ABCA8: variants seen among roughly 807,000 people sequenced by gnomAD.
ABCA8 encodes ATP binding cassette subfamily A member 8.
Under a neutral mutation model 192.3 loss-of-function variants are expected in ABCA8, and 177 were observed. The observed-to-expected ratio is 0.92, with a 90% CI of 0.81 to 1.04. The LOEUF is 1.04. Among genes scored for constraint, ABCA8 ranks in the 50% least tolerant of loss-of-function variants. The pLI, the probability that ABCA8 is intolerant of heterozygous loss-of-function variation, is 0.00. For missense variants in ABCA8, 1,915 were observed against 1,904.8 expected (o/e 1.01, Z -0.10); for synonymous variants, 642 against 690.2 (o/e 0.93, Z 1.09).
chr17:68,913,862 T>C (rs534787688), intron 17 of ABCA8, among the ~76,000 whole-genome samples: 2 of 152,026 alleles, frequency 1.3e-5, no homozygotes, highest in African/African-American at 4.8e-5. Flanking sequence ...TGAAACTCAT[T>C]CTATGAGGCC....
intron 19 of ABCA8, among the ~76,000 whole-genome samples, chr17:68,904,767 A>C (rs2067020002): frequency 6.6e-6 from 1 of 152,188 alleles, no homozygotes; most frequent in Non-Finnish European, 1.5e-5. Flanking sequence ...CGGAGAGAGA[A>C]ACACAAGAAG....
rs114603298 is a variant in ABCA8 at position 68,874,965 on chromosome 17, G to A, written c.4631+295C>T. ...TTCATTTACGAAGGATACTCACAAC[G>A]CTTTTTTGAAGTCTACTCATTTTTT... is the stretch of plus-strand genomic sequence containing the variant. On this transcript the variant is annotated intron_variant, in intron 37 of 39. Transcript: ENST00000586539. 7.8e-3 allele frequency among the ~76,000 whole-genome samples: 1,187 copies of A among 152,158 alleles called. 15 individuals are homozygous for A. The highest frequency in any genetic ancestry group is 0.026 in the African/African-American group (1,077 of 41,522).
At chr17:68,935,116 A>G (rs2068020935) in intron 5 of ABCA8, among the ~76,000 whole-genome samples, 1 of 138,358 alleles carries the variant, frequency 7.2e-6, no homozygotes, top group South Asian at 2.2e-4. Context: ...ATGGAGTCTC[A>G]CTCTGTCACT....
intron 2 of ABCA8, among the ~76,000 whole-genome samples, chr17:68,945,554 A>C (rs1025407853): frequency 6.6e-6 from 1 of 152,144 alleles, no homozygotes; most frequent in African/African-American, 2.4e-5. Context: ...ACATTCCTTC[A>C]TATTCTTCTA....
intron 2 of ABCA8, among the ~76,000 whole-genome samples, chr17:68,947,503 A>C (rs2068443361): frequency 6.6e-6 from 1 of 152,148 alleles, no homozygotes; most frequent in South Asian, 2.1e-4. Context: ...TCTCCAGGGC[A>C]GTTTGTAACA....
At chr17:68,884,499 A>G (rs2143314179) in intron 27 of ABCA8, 103 bp from the exon 28 acceptor site, 20 of 1,406,944 alleles carry the variant, frequency 1.4e-5, no homozygotes, top group South Asian at 3.7e-5. Flanking sequence ...ACATTTGACC[A>G]TGAATATCAC....
chr17:68,942,579 G>A (rs1598292797), intron 2 of ABCA8, among the ~76,000 whole-genome samples: 1 of 152,268 alleles, frequency 6.6e-6, no homozygotes, highest in African/African-American at 2.4e-5. Flanking sequence ...GGGAGCCCCA[G>A]ATAGCTACAT....
chr17:68,890,993 A>G (rs1368478017), intron 24 of ABCA8, among the ~76,000 whole-genome samples: 1 of 152,210 alleles, frequency 6.6e-6, no homozygotes, highest in Non-Finnish European at 1.5e-5. Context: ...GGATGTTAAG[A>G]ACATTTTTCT....
Position 68,941,951 on chromosome 17 carries a change from T to G in ABCA8, c.84A>C (p.Arg28Ser), listed in dbSNP as rs1567883669. The change falls in exon 3 of 40, where the codon AGA becomes AGC. Residue 28 changes from arginine to serine, a missense_variant. Transcript: ENST00000586539. ...TATTGAGTCATACCATTAAGGACTC[T>G]CTTTTCATTCTCCATTTTTTAAGAA... ...KNFLKKWRMKRESLMEWLNSL... is the reference protein window; with the variant it reads ...KNFLKKWRMKSESLMEWLNSL... 1 of 1,608,936 alleles carries G rather than the reference T, an allele frequency of 6.2e-7. No individual in the cohort carries two copies.
In ABCA8 at chr17:68,918,081, A is replaced by G. The variant is rs146446478; in HGVS notation, c.2013T>C (p.Ser671=). The G allele has an allele frequency of 5.0e-6, 8 of 1,614,104 alleles. No individual in the cohort carries two copies. In the African/African-American group the frequency reaches 1.1e-4, roughly 22 times the overall value. ...ERKTDRVILF[S]TQFMDEADIL... ...TGTCGGCCTCATCCATGAACTGGGT[A>G]CTGAAGAGGATCACGCGGTCTGTTT... The change falls in exon 16 of 40, where the codon AGT becomes AGC. Residue 671 remains serine, a synonymous_variant. Transcript: ENST00000586539.
intron 22 of ABCA8, 173 bp downstream of exon 22, chr17:68,894,707 C>T: frequency 1.5e-6 from 1 of 673,620 alleles, no homozygotes; most frequent in Admixed American, 3.3e-5. Flanking sequence ...TAGTTTGTGC[C>T]AGTAGACAAT....
chr17:68,916,835 A>AT (rs2143592819), intron 17 of ABCA8, among the ~76,000 whole-genome samples: 1 of 152,304 alleles, frequency 6.6e-6, no homozygotes, highest in African/African-American at 2.4e-5. Context: ...GCAGATATAT[A>AT]TTTTTTAGTC....
rs1398244823 is a variant in ABCA8 at position 68,922,190 on chromosome 17, CTCTCTTTTTTTTTTTTTTTTTTTTTT to C, written c.1501+26_1501+51del. 1.4e-4 allele frequency: 92 copies of C among 639,734 alleles called. 2 individuals are homozygous for C. In the Admixed American group the frequency reaches 6.4e-3, roughly 44 times the overall value. The allele number at this position is 639,734 out of a possible 1,614,324, so 39.6% of individuals were successfully genotyped here. A position where few individuals can be genotyped will look rare whatever the true frequency, so the allele number is the denominator to read the frequency against. ...AATATAACAAATATTTTCTTTCTCTCTCTCTTTTTTTTTTTTTTTTTTTTTTTTTTTTTTTTTTTTTTTTTTTTTAC... is the reference window on the plus strand; with the variant it reads ...AATATAACAAATATTTTCTTTCTCTCTTTTTTTTTTTTTTTTTTTTTTTAC... On this transcript the variant is annotated intron_variant, in intron 12 of 39. Coordinates refer to ENST00000586539, the MANE Select transcript of ABCA8 (RefSeq NM_001288985.2).
intron 2 of ABCA8, among the ~76,000 whole-genome samples, chr17:68,945,261 T>C (rs918294047): frequency 4.6e-5 from 7 of 152,286 alleles, no homozygotes; most frequent in East Asian, 1.9e-4. Context: ...TTGTTTTTCA[T>C]AGAATTTGAG....
At chr17:68,897,774 C>G (rs2066803628) in intron 21 of ABCA8, among the ~76,000 whole-genome samples, 1 of 151,968 alleles carries the variant, frequency 6.6e-6, no homozygotes, top group African/African-American at 2.4e-5. Context: ...AAAGAATTAG[C>G]AGACCTGAAG....
chr17:68,918,542 T>C lies in ABCA8; in HGVS notation c.1793A>G (p.Gln598Arg). The part of the protein sequence containing the change: ...ILPQEVDKEI[Q>R]RVLLELEMKN... ...CATTTCCAATTCCAGCAGAACCCTT[T>C]GTATCTAACCAAAAGACAGTATTTA... Residue 598 changes from glutamine (Q) to arginine (R), a missense_variant, in exon 15 of 40, where the codon CAA (glutamine) becomes CGA (arginine). Coordinates refer to ENST00000586539, the MANE Select transcript of ABCA8 (RefSeq NM_001288985.2). 1 of 1,498,074 alleles carries C rather than the reference T, an allele frequency of 6.7e-7. No homozygotes were observed. The highest frequency in any genetic ancestry group is 1.4e-5 in the African/African-American group (1 of 70,890). 92.8% of individuals were successfully genotyped at this position (1,498,074 alleles called of 1,614,324 possible).
At chr17:68,869,884 G>GGC in intron 37 of ABCA8, 105 bp from the exon 38 acceptor site, 2 of 764,052 alleles carry the variant, frequency 2.6e-6, no homozygotes, top group East Asian at 2.7e-5. Context: ...AATGGTGTTA[G>GGC]GAACATTTAA....
At position 68,933,207 on chromosome 17, in the gene ABCA8, A is replaced by G; in HGVS notation, c.531T>C (p.Phe177=). ...CEVSVFWKEG[F]VALQAAINAA... Reference sequence around the variant, plus strand: ...CATTAATGGCAGCTTGAAGAGCCACAAAACCTTCCTTCCAAAATACTGAAA... The same window carrying G: ...CATTAATGGCAGCTTGAAGAGCCACGAAACCTTCCTTCCAAAATACTGAAA... The change falls in exon 6 of 40, where the codon TTT becomes TTC. Residue 177 remains phenylalanine, a synonymous_variant. Coordinates refer to ENST00000586539, the MANE Select transcript of ABCA8 (RefSeq NM_001288985.2). 6.2e-7 allele frequency: 1 copy of G among 1,613,450 alleles called. No individual in the cohort carries two copies. Among genetic ancestry groups the G allele is most frequent in the East Asian group, 2.2e-5 (1 of 44,782 alleles).
At chr17:68,945,666 G>C (rs1268671307) in intron 2 of ABCA8, among the ~76,000 whole-genome samples, 1 of 152,124 alleles carries the variant, frequency 6.6e-6, no homozygotes, top group Admixed American at 6.5e-5. Flanking sequence ...AGTCGTTGGT[G>C]ATGAGTTTTT....
Sources: allele counts gnomAD v4.1 joint callset (sites outside exome capture counted in the v4.1 genomes callset), GRCh38; gene constraint gnomAD v4.1.1; transcripts MANE v1.5; gene names NCBI Gene and HGNC (gene_info 2026-07-23, HGNC 2026-07-21).